The following INPP4B variants were observed in gnomAD, a reference collection of about 807,000 sequenced individuals.
INPP4B encodes the protein inositol polyphosphate 4-phosphatase type II.
Under a neutral mutation model 122.5 loss-of-function variants are expected in INPP4B, and 55 were observed. That is an observed-to-expected ratio of 0.45 (90% CI 0.36 to 0.56). INPP4B has a LOEUF of 0.56. INPP4B is among the 20% of genes least tolerant of loss of function. INPP4B has a pLI of 0.00. For synonymous variants in INPP4B, 403 were observed against 388.7 expected, an observed-to-expected ratio of 1.04 and a Z score of -0.43; for missense variants, 1,000 against 1,097.7, an observed-to-expected ratio of 0.91 and a Z score of 1.26.
chr4:142,174,288 T>A (rs913997993), intron 15 of INPP4B, among the ~76,000 whole-genome samples: 1 of 152,146 alleles, frequency 6.6e-6, no homozygotes, highest in Non-Finnish European at 1.5e-5. Context: ...GGAATAATCA[T>A]CTAAACCATT....
chr4:142,703,386 C>T (rs953426179), intron 2 of INPP4B, among the ~76,000 whole-genome samples: 7 of 152,062 alleles, frequency 4.6e-5, no homozygotes, highest in Non-Finnish European at 8.8e-5. Context: ...ATGGTTAGGT[C>T]ACAATACTAT....
At chr4:142,629,533 G>C (rs892725368) in intron 2 of INPP4B, among the ~76,000 whole-genome samples, 1 of 151,926 alleles carries the variant, frequency 6.6e-6, no homozygotes, top group Non-Finnish European at 1.5e-5. Flanking sequence ...TGTGTTTGAG[G>C]GGCAGAGAGA....
intron 2 of INPP4B, among the ~76,000 whole-genome samples, chr4:142,673,029 C>T (rs1757221385): frequency 6.6e-6 from 1 of 152,152 alleles, no homozygotes; most frequent in African/African-American, 2.4e-5. Context: ...TTGCCAACAT[C>T]ACATGGCCAT....
At chr4:142,413,187 T>C (rs1804965218) in intron 5 of INPP4B, among the ~76,000 whole-genome samples, 4 of 152,164 alleles carry the variant, frequency 2.6e-5, no homozygotes, top group Admixed American at 2.6e-4. Flanking sequence ...GTTTGTTTTC[T>C]TCTGTCTTTT....
At chr4:142,386,851 G>A (rs1554046606) in intron 7 of INPP4B, among the ~76,000 whole-genome samples, 1 of 152,110 alleles carries the variant, frequency 6.6e-6, no homozygotes, top group Admixed American at 6.6e-5. Context: ...TCAGAAGTGA[G>A]GTCCGAAGTA....
chr4:142,426,801 T>C (rs1048433113), intron 5 of INPP4B: 5 of 152,048 alleles, frequency 3.3e-5, no homozygotes, highest in African/African-American at 1.2e-4. Context: ...GGTGTGGCTG[T>C]TTTCCTAATT....
chr4:142,389,448 T>A (rs972012909), intron 7 of INPP4B, among the ~76,000 whole-genome samples: 1 of 152,184 alleles, frequency 6.6e-6, no homozygotes, highest in African/African-American at 2.4e-5. Context: ...TAATGCCTTT[T>A]AGTTTACGTG....
chr4:142,188,518 AAT>A (rs1834283430), intron 15 of INPP4B, among the ~76,000 whole-genome samples: 1 of 105,090 alleles, frequency 9.5e-6, no homozygotes, highest in Non-Finnish European at 1.9e-5. Context: ...AAAGAAAAAA[AAT>A]ATATATAGCT....
intron 2 of INPP4B, among the ~76,000 whole-genome samples, chr4:142,626,590 C>A (rs1746463897): frequency 1.3e-5 from 2 of 151,982 alleles, no homozygotes; most frequent in Admixed American, 1.3e-4. Context: ...AAACTCCACT[C>A]ACTTCTGATT....
intron 1 of INPP4B, among the ~76,000 whole-genome samples, chr4:142,798,846 T>TTGTGTGTG (rs70949190): frequency 1.1e-3 from 164 of 149,184 alleles, no homozygotes; most frequent in South Asian, 1.0e-2. Flanking sequence ...GTGTATATGT[T>TTGTGTGTG]TGTGTGTGTG....
chr4:142,408,091 A>G (rs1206073156), intron 5 of INPP4B, among the ~76,000 whole-genome samples: 1 of 152,212 alleles, frequency 6.6e-6, no homozygotes, highest in Non-Finnish European at 1.5e-5. Context: ...GGTGAAACCT[A>G]TTCACATCAT....
At chr4:142,404,673 A>C (rs1241124917) in intron 6 of INPP4B, among the ~76,000 whole-genome samples, 2 of 152,200 alleles carry the variant, frequency 1.3e-5, no homozygotes, top group African/African-American at 4.8e-5. Context: ...CTTTTCCCTG[A>C]AAAACATCGT....
At chr4:142,724,575 A>T (rs1765103013) in intron 2 of INPP4B, among the ~76,000 whole-genome samples, 1 of 152,166 alleles carries the variant, frequency 6.6e-6, no homozygotes, top group African/African-American at 2.4e-5. Flanking sequence ...TAATAGTTCT[A>T]TGTAAAAGAC....
chr4:142,281,434 T>A (rs1474623267), intron 9 of INPP4B, among the ~76,000 whole-genome samples: 1 of 151,778 alleles, frequency 6.6e-6, no homozygotes, highest in Non-Finnish European at 1.5e-5. Flanking sequence ...CTCTGAAAAC[T>A]TTCCATAGAT....
chr4:142,258,056 A>G (rs1233070327), intron 11 of INPP4B, among the ~76,000 whole-genome samples: 2 of 152,070 alleles, frequency 1.3e-5, no homozygotes, highest in African/African-American at 2.4e-5. Flanking sequence ...CCGCAAATCT[A>G]CAACTATCTG....
At chr4:142,118,174 C>T (rs1578966829) in intron 21 of INPP4B, among the ~76,000 whole-genome samples, 1 of 152,180 alleles carries the variant, frequency 6.6e-6, no homozygotes, top group African/African-American at 2.4e-5. Flanking sequence ...ACATTCCACG[C>T]TCATGCATAG....
chr4:142,027,584 T>C lies in INPP4B; in HGVS notation c.*1198A>G, dbSNP rs1737397433. On this transcript the variant is annotated 3_prime_UTR_variant, in exon 26 of 26. Transcript: ENST00000262992. ...TTTCATGCATATTTAGCATGGCAAT[T>C]TGGAGAAGTGACAAGCCACAGGCTA... 6.6e-6 allele frequency: 1 copy of C among 151,784 alleles called. No individual in the cohort carries two copies. Among genetic ancestry groups the C allele is most frequent in the African/African-American group, 2.4e-5 (1 of 41,424 alleles). 9.4% of individuals were successfully genotyped at this position (151,784 alleles called of 1,614,324 possible).
chr4:142,463,526 A>G (rs2322705), intron 2 of INPP4B, among the ~76,000 whole-genome samples: 23,024 of 152,120 alleles, frequency 0.15, 2,038 homozygotes, highest in East Asian at 0.38. Flanking sequence ...TAATTTGTAT[A>G]CTTTCACTAT....
At chr4:142,819,557 A>C (rs1780549286) in intron 1 of INPP4B, among the ~76,000 whole-genome samples, 1 of 152,156 alleles carries the variant, frequency 6.6e-6, no homozygotes, top group Admixed American at 6.5e-5. Flanking sequence ...GCTATCTACC[A>C]ATCTGGGTGA....
Sources: allele counts gnomAD v4.1 joint callset (sites outside exome capture counted in the v4.1 genomes callset), GRCh38; gene constraint gnomAD v4.1.1; transcripts MANE v1.5; gene names NCBI Gene and HGNC (gene_info 2026-07-23, HGNC 2026-07-21).